Variants in CHL1 observed in about 807,000 individuals in gnomAD.
The protein encoded by CHL1 is neural cell adhesion molecule L1-like protein.
In CHL1, 96 loss-of-function variants were observed where a neutral mutation model predicts 141.9. That is an observed-to-expected ratio of 0.68 (90% CI 0.57 to 0.80). The LOEUF is 0.80. Ranked by LOEUF, CHL1 falls within the 30% of genes least tolerant of loss-of-function variation. CHL1 has a pLI of 0.00. For synonymous variants in CHL1, 613 were observed against 502.2 expected, an observed-to-expected ratio of 1.22 and a Z score of -2.95; for missense variants, 1,820 against 1,457.2, an observed-to-expected ratio of 1.25 and a Z score of -4.05.
At chr3:264,604 C>T (rs1695006404) in intron 2 of CHL1, among the ~76,000 whole-genome samples, 1 of 152,176 alleles carries the variant, frequency 6.6e-6, no homozygotes, top group Non-Finnish European at 1.5e-5. Context: ...TAAATTCTCA[C>T]TTCCTGTCTT....
chr3:226,831 G>C (rs1180704685), intron 1 of CHL1, among the ~76,000 whole-genome samples: 1 of 152,072 alleles, frequency 6.6e-6, no homozygotes, highest in Non-Finnish European at 1.5e-5. Flanking sequence ...TCAATGCTTA[G>C]CAGACAATTT....
intron 2 of CHL1, among the ~76,000 whole-genome samples, chr3:315,771 G>A (rs898653569): frequency 2.6e-5 from 4 of 152,084 alleles, no homozygotes; most frequent in African/African-American, 9.7e-5. Flanking sequence ...CGACTGCATT[G>A]TCTGGGGTAA....
intron 1 of CHL1, among the ~76,000 whole-genome samples, chr3:243,178 A>T (rs2125103912): frequency 6.6e-6 from 1 of 152,264 alleles, no homozygotes; most frequent in South Asian, 2.1e-4. Flanking sequence ...GGGTCAGCAA[A>T]TCTCATTTTG....
At chr3:295,013 A>G (rs1698061992) in intron 2 of CHL1, among the ~76,000 whole-genome samples, 1 of 152,100 alleles carries the variant, frequency 6.6e-6, no homozygotes, top group Admixed American at 6.5e-5. Context: ...GAGAGATTAA[A>G]CTTTGTTTTC....
At chr3:220,854 A>G (rs1301623853) in intron 1 of CHL1, among the ~76,000 whole-genome samples, 1 of 152,206 alleles carries the variant, frequency 6.6e-6, no homozygotes, top group Non-Finnish European at 1.5e-5. Context: ...ATTTCACATC[A>G]GCTAGTAAAG....
chr3:397,627 A>G (rs1708786091), intron 24 of CHL1, among the ~76,000 whole-genome samples: 1 of 152,104 alleles, frequency 6.6e-6, no homozygotes, highest in Admixed American at 6.5e-5. Context: ...CTATTAACAT[A>G]TTGACATATT....
chr3:291,815 T>G (rs903335172), intron 2 of CHL1, among the ~76,000 whole-genome samples: 2 of 152,200 alleles, frequency 1.3e-5, no homozygotes, highest in Non-Finnish European at 2.9e-5. Flanking sequence ...GTCCAGTAAC[T>G]TGGCTAACAT....
intron 1 of CHL1, among the ~76,000 whole-genome samples, chr3:233,351 C>A (rs1702027056): frequency 6.6e-6 from 1 of 152,124 alleles, no homozygotes; most frequent in Admixed American, 6.6e-5. Context: ...GCCTCTCTTG[C>A]TTTTCTATAC....
At chr3:276,704 A>T (rs1696146837) in intron 2 of CHL1, among the ~76,000 whole-genome samples, 3 of 151,670 alleles carry the variant, frequency 2.0e-5, no homozygotes, top group South Asian at 2.1e-4. Context: ...CCTGGCTAAC[A>T]GGGTGAAATC....
intron 3 of CHL1, among the ~76,000 whole-genome samples, chr3:324,221 T>A (rs56387341): frequency 0.14 from 21,029 of 152,042 alleles, 1,722 homozygotes; most frequent in African/African-American, 0.21. Flanking sequence ...CCTGGTCCAA[T>A]GTCACAGGTT....
At chr3:255,534 A>G (rs1314878521) in intron 2 of CHL1, among the ~76,000 whole-genome samples, 2 of 152,088 alleles carry the variant, frequency 1.3e-5, no homozygotes, top group Admixed American at 6.6e-5. Context: ...TACACACTAA[A>G]CTGTACTGCT....
At chr3:275,654 C>T (rs576317024) in intron 2 of CHL1, among the ~76,000 whole-genome samples, 1 of 152,198 alleles carries the variant, frequency 6.6e-6, no homozygotes, top group African/African-American at 2.4e-5. Context: ...CATGTTTGGC[C>T]TTTTTTCCAA....
chr3:300,249 A>T (rs1698604608), intron 2 of CHL1, among the ~76,000 whole-genome samples: 1 of 152,206 alleles, frequency 6.6e-6, no homozygotes, highest in African/African-American at 2.4e-5. Flanking sequence ...GGCTACTTAG[A>T]TAGAAATTGC....
chr3:253,559 G>C (rs964437235), intron 2 of CHL1, among the ~76,000 whole-genome samples: 6 of 152,120 alleles, frequency 3.9e-5, no homozygotes, highest in Non-Finnish European at 7.4e-5. Context: ...AGTTTGATTT[G>C]GGTTCCTGTG....
chr3:283,083 A>C (rs1696809743), intron 2 of CHL1, among the ~76,000 whole-genome samples: 2 of 152,196 alleles, frequency 1.3e-5, no homozygotes, highest in African/African-American at 2.4e-5. Context: ...CACATAGTGA[A>C]TACATCTCTC....
intron 2 of CHL1, among the ~76,000 whole-genome samples, chr3:256,649 G>A (rs1694201577): frequency 6.6e-6 from 1 of 152,286 alleles, no homozygotes; most frequent in South Asian, 2.1e-4. Flanking sequence ...GCCCCAAATG[G>A]AATCATGCTG....
intron 3 of CHL1, among the ~76,000 whole-genome samples, chr3:325,290 C>T (rs748866535): frequency 6.6e-6 from 1 of 151,906 alleles, no homozygotes; most frequent in Non-Finnish European, 1.5e-5. Flanking sequence ...GAGAACCACT[C>T]TATTTTTGTT....
chr3:383,856 T>A lies in CHL1; in HGVS notation c.2217T>A (p.Ser739=), dbSNP rs1559341020. ...CACAAAACATAAGGGTTCAAGCCTC[T>A]CAACCCAAGGAAATGATTATAAAGT... is the stretch of plus-strand genomic sequence containing the variant. ...RNPQNIRVQA[S]QPKEMIIKWE... Residue 739 remains serine (S), a synonymous_variant, in exon 19 of 28, where the codon TCT becomes TCA. Coordinates refer to ENST00000256509, the MANE Select transcript of CHL1 (RefSeq NM_006614.4). 1 of 1,610,228 alleles carries A rather than the reference T, an allele frequency of 6.2e-7. No individual in the cohort carries two copies. The highest frequency in any genetic ancestry group is 8.5e-7 in the Non-Finnish European group (1 of 1,177,636).
intron 18 of CHL1, 91 bp from the exon 19 acceptor site, chr3:383,725 T>G: frequency 1.3e-6 from 1 of 761,572 alleles, no homozygotes; most frequent in Non-Finnish European, 2.3e-6. Flanking sequence ...ACTTACTTAA[T>G]TATCTGTGTT....
Sources: gnomAD v4.1 joint callset for allele counts (sites outside exome capture counted in the v4.1 genomes callset) on GRCh38, gnomAD v4.1.1 for gene constraint, MANE v1.5 for transcripts, NCBI Gene and HGNC (gene_info 2026-07-23, HGNC 2026-07-21) for gene names.